The following MAP2 variants were observed in gnomAD, a reference collection of about 807,000 sequenced individuals.
MAP2 encodes the protein microtubule associated protein 2, also known as microtubule-associated protein 2.
In MAP2, 14 loss-of-function variants were observed where a neutral mutation model predicts 137.6. That is an observed-to-expected ratio of 0.10 (90% CI 0.07 to 0.16). The LOEUF is 0.16. MAP2 is among the 10% of genes least tolerant of loss of function. The pLI is 1.00. For missense variants in MAP2, 2,088 were observed against 2,191.5 expected (o/e 0.95, Z 0.94); for synonymous variants, 786 against 782.3 (o/e 1.00, Z -0.08).
chr2:209,608,894 TC>T (rs1163496164), intron 3 of MAP2, among the ~76,000 whole-genome samples: 6 of 152,124 alleles, frequency 3.9e-5, no homozygotes, highest in African/African-American at 1.4e-4. Flanking sequence ...TTGCCCCTCA[TC>T]CCCTGCTTGC....
intron 1 of MAP2, among the ~76,000 whole-genome samples, chr2:209,456,511 C>T (rs1160418046): frequency 6.6e-6 from 1 of 152,156 alleles, no homozygotes; most frequent in African/African-American, 2.4e-5. Context: ...AGCACAAAGG[C>T]TGCAAACTGA....
At chr2:209,697,089 G>A in intron 10 of MAP2, 38 bp downstream of exon 10, 6 of 1,534,452 alleles carry the variant, frequency 3.9e-6, no homozygotes, top group African/African-American at 1.4e-5. Context: ...GGCAAACATA[G>A]ACATGTATTT....
At chr2:209,617,141 A>G (rs1181418035) in intron 3 of MAP2, among the ~76,000 whole-genome samples, 1 of 152,088 alleles carries the variant, frequency 6.6e-6, no homozygotes, top group East Asian at 1.9e-4. Flanking sequence ...TCTGGTTTCT[A>G]TGACCCACCT....
chr2:209,507,861 T>C (rs1482205728), intron 2 of MAP2, among the ~76,000 whole-genome samples: 1 of 152,104 alleles, frequency 6.6e-6, no homozygotes, highest in Non-Finnish European at 1.5e-5. Context: ...GAATGTTGAA[T>C]TTATTTAATC....
chr2:209,457,078 TTTAG>T (rs529582272), intron 1 of MAP2, among the ~76,000 whole-genome samples: 464 of 152,314 alleles, frequency 3.0e-3, no homozygotes, highest in Non-Finnish European at 5.5e-3. Flanking sequence ...ACAGTTAATA[TTTAG>T]TTAGTGTTTT....
At chr2:209,541,287 C>T (rs2066987969) in intron 2 of MAP2, among the ~76,000 whole-genome samples, 1 of 151,168 alleles carries the variant, frequency 6.6e-6, no homozygotes, top group Non-Finnish European at 1.5e-5. Flanking sequence ...GCCTCGGCCT[C>T]CCGAAGTGCT....
At chr2:209,677,693 A>G (rs1374349412) in intron 5 of MAP2, among the ~76,000 whole-genome samples, 1 of 152,034 alleles carries the variant, frequency 6.6e-6, no homozygotes, top group African/African-American at 2.4e-5. Context: ...GAATATTATA[A>G]TAGTCAGGAA....
chr2:209,575,854 C>G (rs1030938189), intron 2 of MAP2, among the ~76,000 whole-genome samples: 3 of 151,988 alleles, frequency 2.0e-5, no homozygotes, highest in African/African-American at 7.3e-5. Flanking sequence ...ATGATAAGTG[C>G]TATGGAAAAA....
intron 2 of MAP2, among the ~76,000 whole-genome samples, chr2:209,517,846 A>G (rs1457097497): frequency 6.7e-6 from 1 of 148,482 alleles, no homozygotes; most frequent in East Asian, 2.0e-4. Flanking sequence ...CCATGAGGTG[A>G]ATGATAACCA....
Position 209,659,954 on chromosome 2 carries a change from T to C in MAP2, c.262+6522T>C, listed in dbSNP as rs562707598. Among the ~76,000 whole-genome samples, 15 of 151,770 alleles carry C rather than the reference T, an allele frequency of 9.9e-5. No individual in the cohort carries two copies. In the East Asian group the frequency reaches 2.9e-3, roughly 30 times the overall value. On this transcript the variant is annotated intron_variant, in intron 5 of 15. Transcript: ENST00000682079. ...TTAGGAGGCTGAGGTAGGAGAATGG[T>C]GTGAACCCAGGAGGCGGAGCTTGCA...
chr2:209,694,865 G>T lies in MAP2; in HGVS notation c.2695G>T (p.Gly899Cys), dbSNP rs776561966. The stretch of plus-strand genomic sequence containing the variant: ...AGGGGAGAGTGGTACCTTTTACGAA[G>T]GCACTGATGATAAAGTTCGAAGAGA... ...LSGESGTFYE[G>C]TDDKVRRDLA... Residue 899 changes from glycine (G) to cysteine (C), a missense_variant, in exon 8 of 16, where the codon GGC (glycine) becomes TGC (cysteine). Around this residue, in one of 6 missense-constraint regions of MAP2, gnomAD observed 500 missense variants for 482.9 expected, o/e 1.04. Transcript: ENST00000682079. The T allele has an allele frequency of 6.2e-7, 1 of 1,614,184 alleles. No homozygotes were observed. The highest frequency in any genetic ancestry group is 8.5e-7 in the Non-Finnish European group (1 of 1,180,030).
At chr2:209,509,431 G>A (rs13000954) in intron 2 of MAP2, among the ~76,000 whole-genome samples, 8,899 of 151,912 alleles carry the variant, frequency 0.059, 297 homozygotes, top group South Asian at 0.092. Context: ...ACATGTTTAA[G>A]CCTCTCTTAT....
At chr2:209,563,826 C>A (rs956012003) in intron 2 of MAP2, among the ~76,000 whole-genome samples, 1 of 152,106 alleles carries the variant, frequency 6.6e-6, no homozygotes, top group African/African-American at 2.4e-5. Flanking sequence ...CTTTGCTTTG[C>A]GTTGAAAAAA....
intron 11 of MAP2, chr2:209,704,411 G>T (rs775417156): frequency 3.2e-6 from 5 of 1,557,796 alleles, no homozygotes; most frequent in Non-Finnish European, 4.3e-6. Context: ...TTATAGTTTG[G>T]TTTATTTTGT....
chr2:209,440,627 C>G (rs1035677721), intron 1 of MAP2, among the ~76,000 whole-genome samples: 4 of 151,506 alleles, frequency 2.6e-5, no homozygotes, highest in Non-Finnish European at 5.9e-5. Context: ...TCAAAAAAGA[C>G]TGCAATAGTT....
intron 1 of MAP2, among the ~76,000 whole-genome samples, chr2:209,469,090 A>G (rs1230616438): frequency 6.6e-6 from 1 of 152,236 alleles, no homozygotes; most frequent in African/African-American, 2.4e-5. Flanking sequence ...ATCTTGTTCA[A>G]TTTTAAATGC....
At chr2:209,728,852 C>T (rs2268045) in intron 14 of MAP2, among the ~76,000 whole-genome samples, 15,233 of 151,864 alleles carry the variant, frequency 0.1, 995 homozygotes, top group East Asian at 0.22. Context: ...CCTACGTTAC[C>T]GCTTCTTTCC....
chr2:209,437,438 G>T (rs1334876596), intron 1 of MAP2, among the ~76,000 whole-genome samples: 1 of 151,620 alleles, frequency 6.6e-6, no homozygotes, highest in Non-Finnish European at 1.5e-5. Flanking sequence ...GGGACTTATA[G>T]TATAACTGTG....
chr2:209,515,650 A>T (rs1159965721), intron 2 of MAP2, among the ~76,000 whole-genome samples: 1 of 152,134 alleles, frequency 6.6e-6, no homozygotes, highest in Non-Finnish European at 1.5e-5. Context: ...ACATGTGGAG[A>T]TTAAAATTTG....
Sources: gnomAD v4.1 joint callset for allele counts (sites outside exome capture counted in the v4.1 genomes callset) on GRCh38, gnomAD v4.1.1 for gene constraint, gnomAD v4.1.1 regional missense constraint, MANE v1.5 for transcripts, NCBI Gene and HGNC (gene_info 2026-07-23, HGNC 2026-07-21) for gene names.